IL1RAPL2: variants seen among roughly 807,000 people sequenced by gnomAD.
IL1RAPL2 encodes the protein interleukin 1 receptor accessory protein like 2.
A neutral mutation model predicts 44.1 loss-of-function variants in IL1RAPL2; 3 were observed. The ratio of observed to expected loss-of-function variants is 0.07; its 90% CI spans 0.03 to 0.18. The LOEUF (loss-of-function observed/expected upper bound fraction) is 0.18. Among genes scored for constraint, IL1RAPL2 ranks in the 10% least tolerant of loss-of-function variants. IL1RAPL2 has a pLI of 1.00. For synonymous variants in IL1RAPL2, 181 were observed against 178.8 expected (o/e 1.01, Z -0.10); for missense variants, 391 against 496.4 (o/e 0.79, Z 2.02).
chrX:104,670,114 C>T (rs762272412), intron 2 of IL1RAPL2, among the ~76,000 whole-genome samples: 5 of 111,476 alleles, frequency 4.5e-5, no homozygotes, highest in South Asian at 3.8e-4. Flanking sequence ...TGAAGTCCCA[C>T]GATAGGCCAT....
At chrX:105,480,012 C>A (rs1036465416) in intron 5 of IL1RAPL2, among the ~76,000 whole-genome samples, 1 of 111,287 alleles carries the variant, frequency 9.0e-6, no homozygotes, top group Non-Finnish European at 1.9e-5. Context: ...CCATAACATA[C>A]AAATTCCAAA....
intron 2 of IL1RAPL2, among the ~76,000 whole-genome samples, chrX:105,040,509 C>T (rs960964686): frequency 7.2e-5 from 8 of 110,624 alleles, no homozygotes; most frequent in African/African-American, 2.7e-4. Context: ...TCCATCTGGT[C>T]CTGGACTCCT....
In IL1RAPL2 at chrX:104,926,797, C is replaced by A. The variant is rs146042337; in HGVS notation, c.82+267802C>A. On this transcript the variant is annotated intron_variant, in intron 2 of 10. Transcript: ENST00000372582. ...TTGAATTGTTCCACTGCTCAGGGTT[C>A]TTTGTGGCAAGTAAGCACCACTGTT... Among the ~76,000 whole-genome samples, 710 of 111,510 alleles carry A rather than the reference C, an allele frequency of 6.4e-3. 3 individuals carry two copies. The highest frequency in any genetic ancestry group is 0.022 in the African/African-American group (676 of 30,696).
At chrX:105,082,416 A>C (rs2147549238) in intron 2 of IL1RAPL2, among the ~76,000 whole-genome samples, 1 of 111,343 alleles carries the variant, frequency 9.0e-6, no homozygotes, top group South Asian at 3.8e-4. Flanking sequence ...TCTTTTCAAA[A>C]ACCAGGTCCT....
At chrX:105,634,351 T>C (rs967557887) in intron 6 of IL1RAPL2, among the ~76,000 whole-genome samples, 2 of 111,108 alleles carry the variant, frequency 1.8e-5, no homozygotes, top group African/African-American at 6.5e-5. Context: ...CAATTTGCCA[T>C]GAGAAACCAC....
intron 6 of IL1RAPL2, among the ~76,000 whole-genome samples, chrX:105,512,212 G>A (rs1471701514): frequency 9.0e-6 from 1 of 111,185 alleles, no homozygotes; most frequent in East Asian, 2.9e-4. Flanking sequence ...TTGGACACAG[G>A]CCCTTCAACT....
At chrX:105,051,939 T>C (rs1175791726) in intron 2 of IL1RAPL2, among the ~76,000 whole-genome samples, 1 of 112,362 alleles carries the variant, frequency 8.9e-6, no homozygotes, top group Non-Finnish European at 1.9e-5. Context: ...GGCACACATA[T>C]ACCTATGTAA....
chrX:104,660,620 GAC>G (rs3055134), intron 2 of IL1RAPL2, among the ~76,000 whole-genome samples: 18 of 95,504 alleles, frequency 1.9e-4, no homozygotes, highest in Admixed American at 3.6e-4. Context: ...TGTATGTATA[GAC>G]ACACACACAC....
intron 1 of IL1RAPL2, among the ~76,000 whole-genome samples, chrX:104,574,246 T>C (rs186041130): frequency 1.8e-5 from 2 of 111,465 alleles, no homozygotes; most frequent in Non-Finnish European, 3.8e-5. Flanking sequence ...TGGGTAGTTA[T>C]TCTTAACATA....
intron 5 of IL1RAPL2, among the ~76,000 whole-genome samples, chrX:105,313,553 C>T (rs2034814432): frequency 9.0e-6 from 1 of 111,567 alleles, no homozygotes; most frequent in South Asian, 3.7e-4. Flanking sequence ...TAAAGAGATG[C>T]ATCTCACTGT....
chrX:104,862,576 TG>T (rs1295588311), intron 2 of IL1RAPL2, among the ~76,000 whole-genome samples: 1 of 111,033 alleles, frequency 9.0e-6, no homozygotes, highest in Non-Finnish European at 1.9e-5. Context: ...ACCAATCCTG[TG>T]GACACACTGA....
At chrX:105,220,372 C>A (rs2033946593) in intron 3 of IL1RAPL2, 3 of 1,193,798 alleles carry the variant, frequency 2.5e-6, no homozygotes, top group East Asian at 5.9e-5. Flanking sequence ...GAACCCGCTA[C>A]TGGGGTCCTC....
At chrX:104,607,594 AAAG>A (rs769915132) in intron 1 of IL1RAPL2, among the ~76,000 whole-genome samples, 70 of 112,498 alleles carry the variant, frequency 6.2e-4, no homozygotes, top group Non-Finnish European at 1.1e-3. Flanking sequence ...ACACTTCTCT[AAAG>A]AAGACATTTA....
At position 105,209,866 on chromosome X, in the gene IL1RAPL2, CAG is replaced by C. The variant is rs781802610; in HGVS notation, c.356+14124_356+14125del. 2.7e-5 allele frequency among the ~76,000 whole-genome samples: 3 copies of C among 111,702 alleles called. No individual in the cohort carries two copies. The South Asian group carries it at 1.1e-3, about 43-fold the overall frequency. Reference sequence around the variant, plus strand: ...AAGTTATGAAAACAATTTGTACGACCAGAGAGATAAGTGTCTGGTTCCCTTCC... The same window carrying C: ...AAGTTATGAAAACAATTTGTACGACCAGAGATAAGTGTCTGGTTCCCTTCC... On this transcript the variant is annotated intron_variant, in intron 3 of 10. Coordinates refer to ENST00000372582, the MANE Select transcript of IL1RAPL2 (RefSeq NM_017416.2).
intron 2 of IL1RAPL2, among the ~76,000 whole-genome samples, chrX:104,672,142 C>G (rs1930618357): frequency 9.0e-6 from 1 of 110,735 alleles, no homozygotes; most frequent in Non-Finnish European, 1.9e-5. Flanking sequence ...TACATGTGCA[C>G]ATTGTGCAGG....
chrX:104,978,451 C>T (rs925181300), intron 2 of IL1RAPL2, among the ~76,000 whole-genome samples: 3 of 112,063 alleles, frequency 2.7e-5, no homozygotes, highest in Admixed American at 9.5e-5. Context: ...GTCTCTGACA[C>T]TCTACACTCG....
At chrX:105,219,999 C>T (rs1556178309) in intron 3 of IL1RAPL2, 1 of 1,209,593 alleles carries the variant, frequency 8.3e-7, no homozygotes. Flanking sequence ...CGAGGCTGGT[C>T]TGGGCCATTC....
intron 5 of IL1RAPL2, among the ~76,000 whole-genome samples, chrX:105,400,317 A>T (rs774233779): frequency 2.7e-5 from 3 of 111,417 alleles, no homozygotes; most frequent in Non-Finnish European, 5.7e-5. Flanking sequence ...GTCCTTCAAG[A>T]TGACTCCTTT....
intron 2 of IL1RAPL2, among the ~76,000 whole-genome samples, chrX:104,892,488 A>C (rs930191116): frequency 9.0e-6 from 1 of 111,617 alleles, no homozygotes; most frequent in Non-Finnish European, 1.9e-5. Flanking sequence ...TGGTCTATTC[A>C]GGGATTCAAC....
Sources: allele counts gnomAD v4.1 joint callset (sites outside exome capture counted in the v4.1 genomes callset), GRCh38; gene constraint gnomAD v4.1.1; transcripts MANE v1.5; gene names NCBI Gene and HGNC (gene_info 2026-07-23, HGNC 2026-07-21).